DGKI: variants seen among roughly 807,000 people sequenced by gnomAD.
The protein encoded by DGKI is DAG kinase iota.
DGKI carries 55 observed loss-of-function variants against 147.5 expected under a neutral mutation model. The ratio of observed to expected loss-of-function variants is 0.37; its 90% confidence interval spans 0.30 to 0.47. The LOEUF (loss-of-function observed/expected upper bound fraction) is 0.47. Among genes scored for constraint, DGKI ranks in the 20% least tolerant of loss-of-function variants. The pLI is 1.00. For missense variants in DGKI, 1,007 were observed against 1,323.8 expected, an observed-to-expected ratio of 0.76 and a Z score of 3.71; for synonymous variants, 469 against 477.1, an observed-to-expected ratio of 0.98 and a Z score of 0.22.
chr7:137,768,345 C>T (rs2116837538), intron 1 of DGKI, among the ~76,000 whole-genome samples: 1 of 152,174 alleles, frequency 6.6e-6, no homozygotes, highest in African/African-American at 2.4e-5. Context: ...AAGTTGCTGT[C>T]AGGGGAGCAG....
At chr7:137,729,032 G>T (rs1190398394) in intron 1 of DGKI, among the ~76,000 whole-genome samples, 1 of 151,938 alleles carries the variant, frequency 6.6e-6, no homozygotes, top group Non-Finnish European at 1.5e-5. Flanking sequence ...ATTAATTCTG[G>T]CCTAGAGAAG....
At chr7:137,593,349 T>A (rs546979872) in intron 12 of DGKI, among the ~76,000 whole-genome samples, 1 of 152,296 alleles carries the variant, frequency 6.6e-6, no homozygotes, top group South Asian at 2.1e-4. Context: ...AGGAGTTGAA[T>A]AGGTGTCAAC....
chr7:137,579,197 T>C (rs533221835), intron 15 of DGKI, among the ~76,000 whole-genome samples: 1 of 152,226 alleles, frequency 6.6e-6, no homozygotes, highest in South Asian at 2.1e-4. Flanking sequence ...CCTTTAGGTA[T>C]TTTATGGCAA....
At chr7:137,517,368 G>GGA (rs1331332223) in intron 21 of DGKI, among the ~76,000 whole-genome samples, 2 of 130,214 alleles carry the variant, frequency 1.5e-5, no homozygotes, top group African/African-American at 2.8e-5. Flanking sequence ...AAAGAAAGAG[G>GGA]GAGAGAGAGA....
At chr7:137,590,017 AG>A (rs1324854382) in intron 12 of DGKI, among the ~76,000 whole-genome samples, 1 of 152,082 alleles carries the variant, frequency 6.6e-6, no homozygotes, top group Non-Finnish European at 1.5e-5. Context: ...CAACAATGAT[AG>A]AAAAGAAAAA....
chr7:137,817,240 G>A (rs918076627), intron 1 of DGKI, among the ~76,000 whole-genome samples: 2 of 151,864 alleles, frequency 1.3e-5, no homozygotes. Flanking sequence ...TCATCAATTC[G>A]ATTCAAAGTG....
chr7:137,590,388 A>G (rs1819566481), intron 12 of DGKI, among the ~76,000 whole-genome samples: 1 of 152,250 alleles, frequency 6.6e-6, no homozygotes, highest in Non-Finnish European at 1.5e-5. Flanking sequence ...TACCCCTGCC[A>G]TCTCCCCAGG....
chr7:137,796,886 G>A (rs1359179769), intron 1 of DGKI, among the ~76,000 whole-genome samples: 2 of 152,032 alleles, frequency 1.3e-5, no homozygotes, highest in Non-Finnish European at 2.9e-5. Flanking sequence ...GAAAGGGACA[G>A]AGAGTGTATT....
chr7:137,586,743 T>C lies in DGKI; in HGVS notation c.1425+354A>G, dbSNP rs145465080. On this transcript the variant is annotated intron_variant, in intron 13 of 32. Transcript: ENST00000614521. ...GTGTAAAGTTGAACCAGATGTGCTA[T>C]CCTAGCTGGGGCTGAGAGTCTGGAT... Among the ~76,000 whole-genome samples the C allele has an allele frequency of 3.7e-4, 57 of 152,252 alleles. 1 individual carries two copies. The East Asian group carries it at 0.011, about 28-fold the overall frequency.
chr7:137,609,384 A>G (rs999159366), intron 9 of DGKI, 151 bp downstream of exon 9: 4 of 642,720 alleles, frequency 6.2e-6, no homozygotes, highest in Non-Finnish European at 8.1e-6. Context: ...TTAAAAGAAC[A>G]GAAAGAATCC....
chr7:137,686,596 G>A (rs1823426279), intron 2 of DGKI, among the ~76,000 whole-genome samples: 1 of 152,176 alleles, frequency 6.6e-6, no homozygotes, highest in South Asian at 2.1e-4. Flanking sequence ...GAGAGAGACT[G>A]TATATATCAC....
At chr7:137,477,256 C>T (rs767953896) in intron 23 of DGKI, among the ~76,000 whole-genome samples, 2 of 152,052 alleles carry the variant, frequency 1.3e-5, no homozygotes, top group Non-Finnish European at 2.9e-5. Context: ...ACACAGGAAC[C>T]GAGACTACAA....
chr7:137,845,771 C>T (rs1046542611), intron 1 of DGKI, among the ~76,000 whole-genome samples: 2 of 152,150 alleles, frequency 1.3e-5, no homozygotes, highest in Admixed American at 6.5e-5. Flanking sequence ...CCCACTCTCA[C>T]CTTCACCCCT....
At chr7:137,429,481 A>C (rs1475872944) in intron 28 of DGKI, among the ~76,000 whole-genome samples, 2 of 150,350 alleles carry the variant, frequency 1.3e-5, no homozygotes, top group Admixed American at 6.6e-5. Flanking sequence ...ACCATTCAGG[A>C]CATAGGCATG....
chr7:137,761,967 A>C (rs1002840682), intron 1 of DGKI, among the ~76,000 whole-genome samples: 5 of 151,876 alleles, frequency 3.3e-5, no homozygotes, highest in Non-Finnish European at 7.4e-5. Flanking sequence ...CTCATCCCTC[A>C]TTTTCTAAGT....
intron 1 of DGKI, among the ~76,000 whole-genome samples, chr7:137,828,087 G>C (rs2117058628): frequency 6.6e-6 from 1 of 152,292 alleles, no homozygotes; most frequent in Admixed American, 6.5e-5. Flanking sequence ...TCAGCCTGTA[G>C]ACAGGTCAAT....
chr7:137,394,620 C>G (rs1017375268), intron 32 of DGKI, among the ~76,000 whole-genome samples: 1 of 152,202 alleles, frequency 6.6e-6, no homozygotes, highest in African/African-American at 2.4e-5. Context: ...GGCCTCACCT[C>G]CGCCAGCTGA....
intron 27 of DGKI, among the ~76,000 whole-genome samples, chr7:137,458,640 G>T (rs560441537): frequency 1.3e-5 from 2 of 152,270 alleles, no homozygotes; most frequent in Non-Finnish European, 2.9e-5. Context: ...AACTTAAGAA[G>T]AATATATCAG....
intron 21 of DGKI, among the ~76,000 whole-genome samples, chr7:137,494,166 A>C (rs1258758519): frequency 6.6e-6 from 1 of 152,218 alleles, no homozygotes; most frequent in Non-Finnish European, 1.5e-5. Context: ...GAAATATGGG[A>C]TTATTTAAAG....
Sources: gnomAD v4.1 joint callset for allele counts (sites outside exome capture counted in the v4.1 genomes callset) on GRCh38, gnomAD v4.1.1 for gene constraint, MANE v1.5 for transcripts, NCBI Gene and HGNC (gene_info 2026-07-23, HGNC 2026-07-21) for gene names.